KDM4B: variants seen among roughly 807,000 people sequenced by gnomAD.
The protein encoded by KDM4B is lysine demethylase 4B.
KDM4B carries 32 observed loss-of-function variants against 125.2 expected under a neutral mutation model. The ratio of observed to expected loss-of-function variants is 0.26; its 90% confidence interval spans 0.19 to 0.34. KDM4B has a LOEUF of 0.34. Ranked by LOEUF, KDM4B falls within the 10% of genes least tolerant of loss-of-function variation. KDM4B has a pLI of 1.00. For synonymous variants in KDM4B, 721 were observed against 677.9 expected, an observed-to-expected ratio of 1.06 and a Z score of -0.99; for missense variants, 1,190 against 1,577.7, an observed-to-expected ratio of 0.75 and a Z score of 4.16.
chr19:5,121,297 C>T lies in KDM4B; in HGVS notation c.1315+1445C>T, dbSNP rs993755356. Among the ~76,000 whole-genome samples the T allele has an allele frequency of 4.6e-5, 7 of 152,272 alleles. No homozygotes were observed. The East Asian group carries it at 5.8e-4, about 13-fold the overall frequency. Reference sequence around the variant, plus strand: ...GACGGACCACTTACTCGGTGGGGTACGTGGGCCCTGCGTCTGTTCAGCACG... The same window carrying T: ...GACGGACCACTTACTCGGTGGGGTATGTGGGCCCTGCGTCTGTTCAGCACG... On this transcript the variant is annotated intron_variant, in intron 11 of 22. Transcript: ENST00000159111.
chr19:5,051,284 T>A (rs937351364), intron 6 of KDM4B, among the ~76,000 whole-genome samples: 1 of 152,160 alleles, frequency 6.6e-6, no homozygotes, highest in African/African-American at 2.4e-5. Flanking sequence ...CCATCCCCCC[T>A]CGAGGGCCCT....
intron 9 of KDM4B, among the ~76,000 whole-genome samples, chr19:5,090,879 G>A (rs889136069): frequency 7.2e-5 from 11 of 151,810 alleles, no homozygotes; most frequent in Non-Finnish European, 1.5e-4. Context: ...TGTCTCCTGG[G>A]CCAGTGGCTT....
chr19:5,084,646 G>A (rs2038429644), intron 9 of KDM4B, among the ~76,000 whole-genome samples: 1 of 145,162 alleles, frequency 6.9e-6, no homozygotes, highest in Non-Finnish European at 1.5e-5. Context: ...ATATATGTAT[G>A]TATAATTAAG....
chr19:5,088,814 T>C (rs1313308133), intron 9 of KDM4B, among the ~76,000 whole-genome samples: 1 of 152,154 alleles, frequency 6.6e-6, no homozygotes, highest in African/African-American at 2.4e-5. Context: ...GAATGTGCAT[T>C]GTTGGAAACT....
intron 1 of KDM4B, among the ~76,000 whole-genome samples, chr19:4,984,622 T>G (rs2034766081): frequency 6.6e-6 from 1 of 152,106 alleles, no homozygotes; most frequent in Non-Finnish European, 1.5e-5. Flanking sequence ...TGGAGTGTGT[T>G]GGGGACTGAC....
At chr19:4,989,141 G>A (rs1351428934) in intron 1 of KDM4B, among the ~76,000 whole-genome samples, 3 of 152,206 alleles carry the variant, frequency 2.0e-5, no homozygotes, top group Non-Finnish European at 4.4e-5. Flanking sequence ...AGTGGTAGAG[G>A]TGAGTCGCTG....
intron 9 of KDM4B, among the ~76,000 whole-genome samples, chr19:5,098,171 T>C (rs2145941077): frequency 6.6e-6 from 1 of 152,330 alleles, no homozygotes; most frequent in East Asian, 1.9e-4. Context: ...GTGTAGTACA[T>C]GGTCAGTAGA....
chr19:5,147,493 G>T (rs73919753), intron 21 of KDM4B, among the ~76,000 whole-genome samples: 3,102 of 152,164 alleles, frequency 0.02, 118 homozygotes, highest in African/African-American at 0.071. Context: ...TGCTGTGATC[G>T]CAGCACTGTG....
At chr19:5,042,564 A>G (rs2036853412) in intron 5 of KDM4B, among the ~76,000 whole-genome samples, 1 of 152,078 alleles carries the variant, frequency 6.6e-6, no homozygotes, top group Admixed American at 6.5e-5. Context: ...AAAAGGTTTA[A>G]TTGGTTCACG....
intron 3 of KDM4B, among the ~76,000 whole-genome samples, chr19:5,033,296 C>G (rs1013928669): frequency 6.6e-6 from 1 of 152,266 alleles, no homozygotes; most frequent in African/African-American, 2.4e-5. Flanking sequence ...GACACACAGC[C>G]ACACTGCAGT....
chr19:5,073,080 G>T (rs2037998705), intron 7 of KDM4B, among the ~76,000 whole-genome samples: 1 of 152,174 alleles, frequency 6.6e-6, no homozygotes, highest in African/African-American at 2.4e-5. Context: ...GATAGCCAGG[G>T]TGCTCCCCCA....
chr19:5,040,614 G>A (rs968595319), intron 4 of KDM4B, among the ~76,000 whole-genome samples: 3 of 152,144 alleles, frequency 2.0e-5, no homozygotes, highest in Non-Finnish European at 4.4e-5. Context: ...CCCTGGTTCA[G>A]CAGGCACAGC....
chr19:5,019,757 G>T (rs1332771189), intron 2 of KDM4B, among the ~76,000 whole-genome samples: 2 of 147,822 alleles, frequency 1.4e-5, no homozygotes, highest in South Asian at 2.2e-4. Flanking sequence ...TGGTGTGCAG[G>T]TATTGGTGTG....
intron 6 of KDM4B, among the ~76,000 whole-genome samples, chr19:5,062,807 G>A (rs1599536217): frequency 8.5e-6 from 1 of 117,516 alleles, no homozygotes; most frequent in Non-Finnish European, 1.7e-5. Context: ...TAGAGATAGA[G>A]TTTCCCTCTG....
chr19:5,076,599 C>T (rs113241091), intron 7 of KDM4B: 55 of 90,254 alleles, frequency 6.1e-4, no homozygotes, highest in Admixed American at 6.9e-4. Flanking sequence ...TCTCGTTGAC[C>T]GAGTGACGAG....
At chr19:5,055,040 C>T (rs925226637) in intron 6 of KDM4B, among the ~76,000 whole-genome samples, 3 of 152,188 alleles carry the variant, frequency 2.0e-5, no homozygotes, top group Non-Finnish European at 2.9e-5. Context: ...TGCATCTCTG[C>T]GCCTGGCGTG....
chr19:4,985,954 C>G (rs1481044422), intron 1 of KDM4B, among the ~76,000 whole-genome samples: 1 of 152,236 alleles, frequency 6.6e-6, no homozygotes, highest in South Asian at 2.1e-4. Context: ...GTTTTTCCCT[C>G]GCTGTCTGGG....
chr19:5,037,147 G>A (rs1027563778), intron 3 of KDM4B, among the ~76,000 whole-genome samples: 2 of 152,220 alleles, frequency 1.3e-5, no homozygotes, highest in Non-Finnish European at 2.9e-5. Context: ...TCCTCTAATA[G>A]CACTGAAGAG....
chr19:5,035,887 GCGCGCGCGCC>G lies in KDM4B; in HGVS notation c.141+2857_141+2866del, dbSNP rs1391493817. On this transcript the variant is annotated intron_variant, in intron 3 of 22. Coordinates refer to ENST00000159111, the MANE Select transcript of KDM4B (RefSeq NM_015015.3). This position sits in a 1 kb window ranked among gnomAD's most constrained non-coding sequence, Gnocchi z 5.3. ...TCTGTGTGTGTGTGTGTGTGCGCGC[GCGCGCGCGCC>G]TGCGCGCACAGGAGACTGAGGTGGG... Among the ~76,000 whole-genome samples the G allele has an allele frequency of 7.0e-6, 1 of 143,518 alleles. No individual in the cohort carries two copies. Among genetic ancestry groups the G allele is most frequent in the African/African-American group, 2.5e-5 (1 of 40,370 alleles). The allele number at this position is 143,518 out of a possible 152,430, so 94.2% of individuals were successfully genotyped here.
Sources: gnomAD v4.1 joint callset for allele counts (sites outside exome capture counted in the v4.1 genomes callset) on GRCh38, gnomAD v4.1.1 for gene constraint, Gnocchi (gnomAD v3.1) non-coding constraint, MANE v1.5 for transcripts, NCBI Gene and HGNC (gene_info 2026-07-23, HGNC 2026-07-21) for gene names.